Variants in DACH1 observed in about 807,000 individuals in gnomAD.
DACH1 encodes dachshund family transcription factor 1, also known as dachshund homolog 1.
A neutral mutation model predicts 54.2 loss-of-function variants in DACH1; 12 were observed. The ratio of observed to expected loss-of-function variants is 0.22; its 90% CI spans 0.14 to 0.36. DACH1 has a LOEUF of 0.36. Among genes scored for constraint, DACH1 ranks in the 10% least tolerant of loss-of-function variants. The pLI, the probability that DACH1 is intolerant of heterozygous loss-of-function variation, is 1.00. For missense variants in DACH1, 805 were observed against 929.8 expected (o/e 0.87, Z 1.75); for synonymous variants, 386 against 366.2 (o/e 1.05, Z -0.62).
chr13:71,542,045 C>T (rs1197487053), intron 6 of DACH1, among the ~76,000 whole-genome samples: 2 of 148,694 alleles, frequency 1.3e-5, no homozygotes, highest in South Asian at 2.1e-4. Context: ...GTCAGGAGTT[C>T]GAGACCAGCC....
At chr13:71,829,844 A>G (rs1390790047) in intron 1 of DACH1, among the ~76,000 whole-genome samples, 2 of 151,942 alleles carry the variant, frequency 1.3e-5, no homozygotes, top group Non-Finnish European at 2.9e-5. Flanking sequence ...GCACTTATGT[A>G]CTTTCTATTT....
At chr13:71,568,241 G>T (rs183847173) in intron 4 of DACH1, among the ~76,000 whole-genome samples, 22 of 152,054 alleles carry the variant, frequency 1.4e-4, no homozygotes, top group Admixed American at 1.4e-3. Context: ...AGAAAAACTG[G>T]CTTAACAGAA....
chr13:71,693,163 T>G (rs931217984), intron 1 of DACH1, among the ~76,000 whole-genome samples: 12 of 152,106 alleles, frequency 7.9e-5, no homozygotes, highest in African/African-American at 2.9e-4. Context: ...TGCATAAATC[T>G]TTATAAAATA....
intron 1 of DACH1, among the ~76,000 whole-genome samples, chr13:71,820,173 G>T (rs1215406493): frequency 6.7e-6 from 1 of 149,228 alleles, no homozygotes; most frequent in African/African-American, 2.5e-5. Context: ...AAGGGGCACA[G>T]TTTCTATGGA....
chr13:71,473,975 T>C (rs1877303988), intron 10 of DACH1, among the ~76,000 whole-genome samples: 1 of 152,172 alleles, frequency 6.6e-6, no homozygotes, highest in Non-Finnish European at 1.5e-5. Context: ...ACCATATACA[T>C]ACAAACACAT....
chr13:71,544,181 T>C (rs1440310952), intron 6 of DACH1, among the ~76,000 whole-genome samples: 1 of 152,114 alleles, frequency 6.6e-6, no homozygotes, highest in Non-Finnish European at 1.5e-5. Flanking sequence ...AAGAACTATA[T>C]CTATTGGGTA....
intron 1 of DACH1, among the ~76,000 whole-genome samples, chr13:71,723,661 A>G (rs959312539): frequency 6.6e-6 from 1 of 151,994 alleles, no homozygotes; most frequent in Non-Finnish European, 1.5e-5. Context: ...AACAAATTAA[A>G]TGATAAATTA....
chr13:71,866,589 C>A lies in DACH1; in HGVS notation c.181G>T (p.Ala61Ser), dbSNP rs1385960261. 7.7e-7 allele frequency: 1 copy of A among 1,296,884 alleles called. No homozygotes were observed. 80.3% of individuals were successfully genotyped at this position (1,296,884 alleles called of 1,614,324 possible). A position where few individuals can be genotyped will look rare whatever the true frequency, so the allele number is the denominator to read the frequency against. The change falls in exon 1 of 11, where the codon GCT becomes TCT. Residue 61 changes from alanine to serine, a missense_variant. Coordinates refer to ENST00000613252, the MANE Select transcript of DACH1 (RefSeq NM_080759.6). ...GTGGCCGCCGCCGCCGCCGCCGAAG[C>A]GATGGGCTCCGGGCGGAACAGAGTT... ...GPTLFRPEPI[A>S]SAAAAAATVT... is the part of the protein sequence containing the mutation.
rs577673913 is a variant in DACH1, at chr13:71,759,860, T to A, written c.849-77950A>T. Among the ~76,000 whole-genome samples the A allele has an allele frequency of 1.1e-4, 16 of 151,892 alleles. No individual in the cohort carries two copies. In the East Asian group the frequency reaches 1.4e-3, roughly 13 times the overall value. On this transcript the variant is annotated intron_variant, in intron 1 of 10. Transcript: ENST00000613252. Reference sequence around the variant, plus strand: ...AGCAATGTCAATAGTTTAGAAAGAGTTTACTTAGAGAACAAAGGGCCCTTA... The same window carrying A: ...AGCAATGTCAATAGTTTAGAAAGAGATTACTTAGAGAACAAAGGGCCCTTA...
intron 1 of DACH1, among the ~76,000 whole-genome samples, chr13:71,842,428 AT>A (rs200286822): frequency 0.17 from 25,228 of 147,690 alleles, 2,256 homozygotes; most frequent in Admixed American, 0.3. Context: ...AAAAAAAAAA[AT>A]TAGCAAGGCA....
At chr13:71,552,802 TA>T (rs1472828446) in intron 6 of DACH1, among the ~76,000 whole-genome samples, 4 of 15,280 alleles carry the variant, frequency 2.6e-4, no homozygotes, top group African/African-American at 1.0e-3. Flanking sequence ...AATATATATA[TA>T]TATATATATA....
chr13:71,612,553 C>T (rs1035340543), intron 3 of DACH1, among the ~76,000 whole-genome samples: 2 of 152,020 alleles, frequency 1.3e-5, no homozygotes, highest in East Asian at 3.9e-4. Context: ...AACAGTAGAC[C>T]CTGCCTTCAT....
At chr13:71,619,530 C>T (rs1354393553) in intron 3 of DACH1, among the ~76,000 whole-genome samples, 1 of 151,672 alleles carries the variant, frequency 6.6e-6, no homozygotes, top group African/African-American at 2.4e-5. Context: ...ATAACTTAAT[C>T]GTCAACATTT....
At chr13:71,488,141 T>C (rs558928676) in intron 7 of DACH1, among the ~76,000 whole-genome samples, 2 of 152,238 alleles carry the variant, frequency 1.3e-5, no homozygotes, top group African/African-American at 2.4e-5. Flanking sequence ...TATGATAGGA[T>C]ATGTGTACAG....
At position 71,779,264 on chromosome 13, in the gene DACH1, T is replaced by C. The variant is rs541857722; in HGVS notation, c.848+86658A>G. ...ATATATACGTATATACGTATATATGTGTATATATACGTATATACGTATATA... is the reference window on the plus strand; with the variant it reads ...ATATATACGTATATACGTATATATGCGTATATATACGTATATACGTATATA... On this transcript the variant is annotated intron_variant, in intron 1 of 10. Transcript: ENST00000613252. Among the ~76,000 whole-genome samples, 166 of 62,130 alleles carry C rather than the reference T, an allele frequency of 2.7e-3. 6 individuals are homozygous for C. The highest frequency in any genetic ancestry group is 0.017 in the African/African-American group (157 of 9,506). 40.8% of individuals were successfully genotyped at this position (62,130 alleles called of 152,430 possible). A position where few individuals can be genotyped will look rare whatever the true frequency, so the allele number is the denominator to read the frequency against.
intron 2 of DACH1, among the ~76,000 whole-genome samples, chr13:71,656,827 TAGAC>T (rs1249154961): frequency 2.7e-5 from 4 of 146,660 alleles, no homozygotes; most frequent in African/African-American, 5.0e-5. Flanking sequence ...GACAGATAGA[TAGAC>T]AGATAGATTG....
intron 1 of DACH1, among the ~76,000 whole-genome samples, chr13:71,717,807 A>G (rs895362446): frequency 1.3e-5 from 2 of 152,082 alleles, no homozygotes; most frequent in African/African-American, 4.8e-5. Flanking sequence ...TCATAAGCTC[A>G]TCAGTCAGAT....
At chr13:71,845,297 C>T (rs1274130126) in intron 1 of DACH1, among the ~76,000 whole-genome samples, 1 of 152,074 alleles carries the variant, frequency 6.6e-6, no homozygotes, top group Non-Finnish European at 1.5e-5. Context: ...AAGTTAAGAA[C>T]TACCCCACTA....
At chr13:71,548,336 T>G (rs1417070308) in intron 6 of DACH1, among the ~76,000 whole-genome samples, 1 of 152,146 alleles carries the variant, frequency 6.6e-6, no homozygotes, top group Non-Finnish European at 1.5e-5. Context: ...TCTATTCCTT[T>G]ATTCCATAAA....
Sources: gnomAD v4.1 joint callset for allele counts (sites outside exome capture counted in the v4.1 genomes callset) on GRCh38, gnomAD v4.1.1 for gene constraint, MANE v1.5 for transcripts, NCBI Gene and HGNC (gene_info 2026-07-23, HGNC 2026-07-21) for gene names.